The following DRC11 variants were observed in gnomAD, a reference collection of about 807,000 sequenced individuals.
The protein encoded by DRC11 is IQ and AAA domain-containing protein 1.
At chr2:236,386,913 G>T in the DRC11 span, among the ~76,000 whole-genome samples, 3 of 144,140 alleles carry the variant, frequency 2.1e-5, no homozygotes, top group Non-Finnish European at 3.0e-5. Flanking sequence ...CCTTCATTTC[G>T]TTATGTACCC....
At chr2:236,324,665 T>C in the DRC11 span, 51 of 1,368,960 alleles carry the variant, frequency 3.7e-5, 1 homozygote, top group South Asian at 6.2e-4. The surrounding 1 kb of genome is among the most constrained non-coding windows in gnomAD (Gnocchi z 5.7). Flanking sequence ...TTACTTTTTC[T>C]TTTTTGCCTT....
At chr2:236,363,704 G>A in the DRC11 span, 2 of 1,145,970 alleles carry the variant, frequency 1.7e-6, no homozygotes, top group South Asian at 2.8e-5. The surrounding 1 kb of genome is among the most constrained non-coding windows in gnomAD (Gnocchi z 5.6). Context: ...GTCTGCCAAT[G>A]GAAATTATCT....
chr2:236,328,788 T>A, the DRC11 span, among the ~76,000 whole-genome samples: 1 of 152,230 alleles, frequency 6.6e-6, no homozygotes, highest in Non-Finnish European at 1.5e-5. The surrounding 1 kb of genome is among the most constrained non-coding windows in gnomAD (Gnocchi z 6.7). Flanking sequence ...GGGAAAGGTA[T>A]GAATTTCAGC....
the DRC11 span, among the ~76,000 whole-genome samples, chr2:236,467,347 G>A: frequency 6.6e-6 from 1 of 151,996 alleles, no homozygotes. Flanking sequence ...TTGTCTATTT[G>A]CACTAGGTGA....
chr2:236,478,979 C>T, the DRC11 span, among the ~76,000 whole-genome samples: 5 of 152,030 alleles, frequency 3.3e-5, no homozygotes, highest in East Asian at 1.9e-4. The surrounding 1 kb of genome is among the most constrained non-coding windows in gnomAD (Gnocchi z 5.9). Context: ...CATCTGCCAC[C>T]GCATCTGGCT....
chr2:236,320,434 C>T, the DRC11 span, among the ~76,000 whole-genome samples: 19 of 152,290 alleles, frequency 1.2e-4, no homozygotes, highest in East Asian at 9.7e-4. Context: ...ACCACAATTA[C>T]GGTCTTCATA....
the DRC11 span, among the ~76,000 whole-genome samples, chr2:236,501,607 T>C: frequency 6.6e-6 from 1 of 152,076 alleles, no homozygotes; most frequent in Non-Finnish European, 1.5e-5. Context: ...AGGATCAGCA[T>C]GGTGTGAGTT....
chr2:236,404,374 C>T, the DRC11 span, among the ~76,000 whole-genome samples: 16 of 152,264 alleles, frequency 1.1e-4, no homozygotes, highest in Middle Eastern at 3.4e-3. Flanking sequence ...CTTCCATCAG[C>T]TGAGGCCCAG....
At chr2:236,495,874 C>T in the DRC11 span, among the ~76,000 whole-genome samples, 2 of 152,116 alleles carry the variant, frequency 1.3e-5, no homozygotes, top group Non-Finnish European at 2.9e-5. The surrounding 1 kb of genome is among the most constrained non-coding windows in gnomAD (Gnocchi z 5.6). Flanking sequence ...TGCTTGGTGG[C>T]CCCATCCCCA....
chr2:236,329,376 G>A, the DRC11 span, among the ~76,000 whole-genome samples: 1 of 152,204 alleles, frequency 6.6e-6, no homozygotes, highest in Admixed American at 6.5e-5. Context: ...AAAACAGGGG[G>A]TTATGAGTCT....
the DRC11 span, chr2:236,408,560 G>T: frequency 1.8e-5 from 13 of 727,180 alleles, no homozygotes; most frequent in Non-Finnish European, 3.1e-5. This position sits in a 1 kb window ranked among gnomAD's most constrained non-coding sequence, Gnocchi z 5.5. Context: ...TGGCGTGGAG[G>T]AAGCAGGTAT....
chr2:236,356,880 T>G, the DRC11 span, among the ~76,000 whole-genome samples: 3 of 139,606 alleles, frequency 2.1e-5, no homozygotes, highest in Non-Finnish European at 4.6e-5. Context: ...TTATCAAATA[T>G]TTATACTTTT....
At chr2:236,370,672 T>TA in the DRC11 span, among the ~76,000 whole-genome samples, 1 of 152,092 alleles carries the variant, frequency 6.6e-6, no homozygotes, top group Non-Finnish European at 1.5e-5. This position sits in a 1 kb window ranked among gnomAD's most constrained non-coding sequence, Gnocchi z 5.5. Context: ...GAAGCCAAAT[T>TA]AAAGTGATAT....
chr2:236,395,222 T>C, the DRC11 span, among the ~76,000 whole-genome samples: 1 of 151,828 alleles, frequency 6.6e-6, no homozygotes, highest in African/African-American at 2.4e-5. Context: ...ACGGGGCAGG[T>C]GGCCAGCCCA....
chr2:236,503,567 C>T, the DRC11 span: 1 of 1,444,740 alleles, frequency 6.9e-7, no homozygotes, highest in African/African-American at 1.4e-5. The surrounding 1 kb of genome is among the most constrained non-coding windows in gnomAD (Gnocchi z 4.9). Flanking sequence ...GGAGACCAGG[C>T]AAAGATTCCC....
At chr2:236,482,614 G>A in the DRC11 span, among the ~76,000 whole-genome samples, 1 of 152,120 alleles carries the variant, frequency 6.6e-6, no homozygotes, top group Non-Finnish European at 1.5e-5. The surrounding 1 kb of genome is among the most constrained non-coding windows in gnomAD (Gnocchi z 4.5). Context: ...ATTCTAAGAT[G>A]TACATTTTTC....
the DRC11 span, among the ~76,000 whole-genome samples, chr2:236,498,373 G>C: frequency 1.3e-5 from 2 of 151,780 alleles, no homozygotes; most frequent in African/African-American, 4.9e-5. Flanking sequence ...GCTGAGGCAG[G>C]GGAATCACTT....
At chr2:236,401,079 G>C in the DRC11 span, among the ~76,000 whole-genome samples, 1 of 152,018 alleles carries the variant, frequency 6.6e-6, no homozygotes, top group African/African-American at 2.4e-5. The surrounding 1 kb of genome is among the most constrained non-coding windows in gnomAD (Gnocchi z 4.6). Context: ...GAGCTCCTGG[G>C]AGGCACCGTT....
chr2:236,503,562 C>G, the DRC11 span: 4 of 1,397,330 alleles, frequency 2.9e-6, no homozygotes, highest in Non-Finnish European at 4.0e-6. This position sits in a 1 kb window ranked among gnomAD's most constrained non-coding sequence, Gnocchi z 4.9. Context: ...CTGGGGGAGA[C>G]CAGGCAAAGA....
Sources: allele counts gnomAD v4.1 joint callset (sites outside exome capture counted in the v4.1 genomes callset), GRCh38; gene constraint gnomAD v4.1.1; non-coding constraint Gnocchi (gnomAD v3.1); transcripts MANE v1.5; gene names NCBI Gene and HGNC (gene_info 2026-07-23, HGNC 2026-07-21).